RPTOR: variants seen among roughly 807,000 people sequenced by gnomAD.
RPTOR encodes regulatory associated protein of MTOR complex 1.
In RPTOR, 21 loss-of-function variants were observed where a neutral mutation model predicts 169.9. The ratio of observed to expected loss-of-function variants is 0.12; its 90% CI spans 0.09 to 0.18. RPTOR has a LOEUF of 0.18. RPTOR is among the 10% of genes least tolerant of loss of function. The probability of loss-of-function intolerance (pLI) is 1.00; values close to 1 mark genes in which losing one functional copy is unlikely to be tolerated. For missense variants in RPTOR, 1,133 were observed against 1,855.9 expected, an observed-to-expected ratio of 0.61 and a Z score of 7.16; for synonymous variants, 732 against 753.2, an observed-to-expected ratio of 0.97 and a Z score of 0.46.
chr17:80,861,893 C>G lies in RPTOR; in HGVS notation c.1509+3993C>G, dbSNP rs1028494148. ...AGCCTTCCTCGTACCTTCCTCGTGA[C>G]ATTCTCACTGCATCCACAGCCCATC... is the stretch of plus-strand genomic sequence containing the variant. On this transcript the variant is annotated intron_variant, in intron 13 of 33. Coordinates refer to ENST00000306801, the MANE Select transcript of RPTOR (RefSeq NM_020761.3). The surrounding 1 kb of genome is among the most constrained non-coding windows in gnomAD (Gnocchi z 4.5). Among the ~76,000 whole-genome samples, 4 of 152,204 alleles carry G rather than the reference C, an allele frequency of 2.6e-5. No individual in the cohort carries two copies. The highest frequency in any genetic ancestry group is 5.9e-5 in the Non-Finnish European group (4 of 68,038).
At chr17:80,689,187 C>T (rs2065971065) in intron 3 of RPTOR, among the ~76,000 whole-genome samples, 1 of 152,234 alleles carries the variant, frequency 6.6e-6, no homozygotes, top group African/African-American at 2.4e-5. Context: ...TAAATCCTTT[C>T]ATCTCCCCAG....
chr17:80,889,830 G>T lies in RPTOR; in HGVS notation c.1984-1890G>T, dbSNP rs112522213. Among the ~76,000 whole-genome samples, 384 of 124,572 alleles carry T rather than the reference G, an allele frequency of 3.1e-3. 15 individuals carry two copies. Among genetic ancestry groups the T allele is most frequent in the African/African-American group, 0.011 (359 of 32,218 alleles). The allele number at this position is 124,572 out of a possible 152,430, so 81.7% of individuals were successfully genotyped here. ...CAAGGGAGGCCCCCGTACGCAGCAG[G>T]ATGTGCGGCCTCCGAGGGAGGCCCC... On this transcript the variant is annotated intron_variant, in intron 17 of 33. Transcript: ENST00000306801.
intron 2 of RPTOR, among the ~76,000 whole-genome samples, chr17:80,629,871 T>G (rs1378521842): frequency 6.6e-6 from 1 of 152,192 alleles, no homozygotes; most frequent in African/African-American, 2.4e-5. Flanking sequence ...TGTGTCTGTC[T>G]CTTCTGGGAC....
chr17:80,624,914 G>C (rs1467834656), intron 1 of RPTOR, among the ~76,000 whole-genome samples: 1 of 152,210 alleles, frequency 6.6e-6, no homozygotes, highest in African/African-American at 2.4e-5. Context: ...GAAAGGACAG[G>C]TGTGATCGCA....
intron 23 of RPTOR, 99 bp from the exon 24 acceptor site, chr17:80,925,271 C>A: frequency 2.0e-6 from 2 of 976,062 alleles, no homozygotes; most frequent in Non-Finnish European, 3.1e-6. Context: ...GTGCTCCCGG[C>A]AGCGCCTTTG....
At chr17:80,697,817 G>T (rs1207788400) in intron 3 of RPTOR, among the ~76,000 whole-genome samples, 1 of 152,212 alleles carries the variant, frequency 6.6e-6, no homozygotes, top group Non-Finnish European at 1.5e-5. Context: ...AAGGAGGAAG[G>T]CTCTGACAGA....
chr17:80,752,031 G>T (rs924933548), intron 5 of RPTOR, among the ~76,000 whole-genome samples: 1 of 152,206 alleles, frequency 6.6e-6, no homozygotes, highest in East Asian at 1.9e-4. Context: ...TGTGTGGCCC[G>T]GTATGATCGG....
intron 24 of RPTOR, among the ~76,000 whole-genome samples, chr17:80,930,513 T>TCAGC (rs1208594499): frequency 9.0e-4 from 24 of 26,558 alleles, no homozygotes; most frequent in South Asian, 3.8e-3. Context: ...TCAGCTCATC[T>TCAGC]TCAGCTTATC....
In RPTOR at chr17:80,828,311, T is replaced by A. The variant is rs1056124873; in HGVS notation, c.1136+5088T>A. Among the ~76,000 whole-genome samples, 3 of 152,156 alleles carry A rather than the reference T, an allele frequency of 2.0e-5. 1 individual carries two copies. Among genetic ancestry groups the A allele is most frequent in the Admixed American group, 2.0e-4 (3 of 15,272 alleles). ...GGTCTCAGGAAGGATGTGCGCCTCATATGAGAAACCCGTGGCAGGTGGCAT... is the reference window on the plus strand; with the variant it reads ...GGTCTCAGGAAGGATGTGCGCCTCAAATGAGAAACCCGTGGCAGGTGGCAT... On this transcript the variant is annotated intron_variant, in intron 9 of 33. Transcript: ENST00000306801.
In RPTOR at chr17:80,965,667, C is replaced by G. The variant is rs116809030; in HGVS notation, c.*1337C>G. The G allele has an allele frequency of 0.01, 2,381 of 233,280 alleles. 46 individuals carry two copies. The highest frequency in any genetic ancestry group is 0.047 in the African/African-American group (2,157 of 45,418). The allele number at this position is 233,280 out of a possible 1,614,324, so 14.5% of individuals were successfully genotyped here. ...GAGGCCCGGCTCTCCTGCGGTGTGGCTGGTGGCCTGCCGTGGCCAAGAGCA... is the reference window on the plus strand; with the variant it reads ...GAGGCCCGGCTCTCCTGCGGTGTGGGTGGTGGCCTGCCGTGGCCAAGAGCA... On this transcript the variant is annotated 3_prime_UTR_variant, in exon 34 of 34. Transcript: ENST00000306801.
At chr17:80,591,057 G>C (rs1248698414) in intron 1 of RPTOR, among the ~76,000 whole-genome samples, 1 of 150,256 alleles carries the variant, frequency 6.7e-6, no homozygotes, top group Admixed American at 6.6e-5. Flanking sequence ...AAGTTTAGTG[G>C]CATAGAGTTG....
At position 80,754,208 on chromosome 17, in the gene RPTOR, CT is replaced by C. The variant is rs1405822710; in HGVS notation, c.830+24del. On this transcript the variant is annotated intron_variant, in intron 6 of 33. Coordinates refer to ENST00000306801, the MANE Select transcript of RPTOR (RefSeq NM_020761.3). This position sits in a 1 kb window ranked among gnomAD's most constrained non-coding sequence, Gnocchi z 4.2. Reference sequence around the variant, plus strand: ...CTGGTGAGTGGCCCCTGCTGTGCCCCTGGGACCCACTCAACTGGGCTCTCCC... The same window carrying C: ...CTGGTGAGTGGCCCCTGCTGTGCCCCGGGACCCACTCAACTGGGCTCTCCC... The C allele has an allele frequency of 6.4e-7, 1 of 1,567,456 alleles. No homozygotes were observed. Among genetic ancestry groups the C allele is most frequent in the Non-Finnish European group, 8.7e-7 (1 of 1,152,436 alleles).
intron 1 of RPTOR, among the ~76,000 whole-genome samples, chr17:80,565,204 A>G (rs1276520447): frequency 6.6e-6 from 1 of 152,216 alleles, no homozygotes; most frequent in Non-Finnish European, 1.5e-5. Flanking sequence ...AAAAACACCT[A>G]CAGTCCTTAC....
At chr17:80,893,085 C>T (rs1567972289) in intron 19 of RPTOR, among the ~76,000 whole-genome samples, 1 of 152,250 alleles carries the variant, frequency 6.6e-6, no homozygotes, top group Non-Finnish European at 1.5e-5. Context: ...GGCCCGTTAC[C>T]AATGCGGCAG....
intron 6 of RPTOR, among the ~76,000 whole-genome samples, chr17:80,765,217 G>A (rs964608101): frequency 6.6e-5 from 10 of 152,090 alleles, no homozygotes; most frequent in Admixed American, 5.9e-4. Flanking sequence ...GGGAGGGGGC[G>A]TCCAGGGCCT....
intron 1 of RPTOR, among the ~76,000 whole-genome samples, chr17:80,619,182 C>T (rs1319846165): frequency 6.6e-6 from 1 of 152,094 alleles, no homozygotes; most frequent in Non-Finnish European, 1.5e-5. Flanking sequence ...GTGTGGCCAG[C>T]CCCAGTCTTG....
chr17:80,874,933 A>T (rs930027972), intron 13 of RPTOR, among the ~76,000 whole-genome samples: 4 of 152,176 alleles, frequency 2.6e-5, no homozygotes, highest in African/African-American at 9.7e-5. Context: ...CACGGCCCGT[A>T]TCTCTGTGAT....
intron 5 of RPTOR, among the ~76,000 whole-genome samples, chr17:80,734,739 A>G (rs567247530): frequency 6.6e-6 from 1 of 152,250 alleles, no homozygotes; most frequent in South Asian, 2.1e-4. Flanking sequence ...TATAAGGAAG[A>G]ACAGCCCGCC....
intron 4 of RPTOR, among the ~76,000 whole-genome samples, chr17:80,720,456 TG>T (rs2066275854): frequency 6.6e-6 from 1 of 152,262 alleles, no homozygotes; most frequent in South Asian, 2.1e-4. Flanking sequence ...AAAAGTTTTA[TG>T]GTAAACTTGA....
Sources: gnomAD v4.1 joint callset for allele counts (sites outside exome capture counted in the v4.1 genomes callset) on GRCh38, gnomAD v4.1.1 for gene constraint, Gnocchi (gnomAD v3.1) non-coding constraint, MANE v1.5 for transcripts, NCBI Gene and HGNC (gene_info 2026-07-23, HGNC 2026-07-21) for gene names.